RBFOX3: variants seen among roughly 807,000 people sequenced by gnomAD.
RBFOX3 encodes RNA binding fox-1 homolog 3, also known as RNA binding protein fox-1 homolog 3.
RBFOX3 carries 17 observed loss-of-function variants against 48.7 expected under a neutral mutation model. The observed-to-expected ratio is 0.35, with a 90% CI of 0.24 to 0.52. The LOEUF (loss-of-function observed/expected upper bound fraction) is 0.52, where lower values mean the gene tolerates loss of function less well. Among genes scored for constraint, RBFOX3 ranks in the 20% least tolerant of loss-of-function variants. The pLI is 0.94. For missense variants in RBFOX3, 382 were observed against 497.5 expected (o/e 0.77, Z 2.21); for synonymous variants, 212 against 209.5 (o/e 1.01, Z -0.10).
At chr17:79,309,968 T>C (rs1371843249) in intron 2 of RBFOX3, among the ~76,000 whole-genome samples, 1 of 152,188 alleles carries the variant, frequency 6.6e-6, no homozygotes, top group African/African-American at 2.4e-5. Flanking sequence ...AGTCATAAAG[T>C]AGTGCCATCA....
At chr17:79,635,809 CAT>C in the RBFOX3 span, among the ~76,000 whole-genome samples, 6 of 152,096 alleles carry the variant, frequency 3.9e-5, no homozygotes, top group Admixed American at 6.6e-5. Context: ...GGTCATTAAA[CAT>C]AGGAAAAGAG....
At chr17:79,114,506 C>T (rs1429221217) in intron 5 of RBFOX3, among the ~76,000 whole-genome samples, 1 of 152,228 alleles carries the variant, frequency 6.6e-6, no homozygotes, top group Non-Finnish European at 1.5e-5. Flanking sequence ...CTGGAGGAAG[C>T]CCCTGCCCAC....
Position 79,367,922 on chromosome 17 carries a change from C to T in RBFOX3, c.-174-60098G>A, listed in dbSNP as rs188355683. 4.6e-5 allele frequency among the ~76,000 whole-genome samples: 7 copies of T among 152,268 alleles called. No individual in the cohort carries two copies. In the South Asian group the frequency reaches 6.2e-4, roughly 14 times the overall value. ...CCTGCCTCCGAATGTCTGGGACATCCCGGCATGACTCTGTGTGCATTCAGG... is the reference window on the plus strand; with the variant it reads ...CCTGCCTCCGAATGTCTGGGACATCTCGGCATGACTCTGTGTGCATTCAGG... On this transcript the variant is annotated intron_variant, in intron 2 of 14. Coordinates refer to ENST00000693108, the MANE Select transcript of RBFOX3 (RefSeq NM_001350451.2).
At chr17:79,630,954 C>T in the RBFOX3 span, among the ~76,000 whole-genome samples, 1,041 of 152,264 alleles carry the variant, frequency 6.8e-3, 5 homozygotes, top group Non-Finnish European at 0.011. Context: ...CCCCGCCCCA[C>T]GAGGTGGAGG....
At chr17:79,109,027 C>T (rs2077988463) in intron 5 of RBFOX3, among the ~76,000 whole-genome samples, 1 of 152,404 alleles carries the variant, frequency 6.6e-6, no homozygotes, top group Non-Finnish European at 1.5e-5. Flanking sequence ...TGGGCATGCG[C>T]TGCAGGACCT....
At chr17:79,312,639 A>C (rs1305540204) in intron 2 of RBFOX3, among the ~76,000 whole-genome samples, 1 of 152,102 alleles carries the variant, frequency 6.6e-6, no homozygotes, top group Non-Finnish European at 1.5e-5. Context: ...ACTGCTGTAC[A>C]CCCACCTGTT....
intron 2 of RBFOX3, among the ~76,000 whole-genome samples, chr17:79,425,900 G>A (rs550719428): frequency 6.6e-6 from 1 of 152,318 alleles, no homozygotes; most frequent in Non-Finnish European, 1.5e-5. Context: ...TGCAAAGAGG[G>A]GCGGGCACCA....
At chr17:79,118,784 A>G (rs2034828274) in intron 4 of RBFOX3, among the ~76,000 whole-genome samples, 1 of 148,930 alleles carries the variant, frequency 6.7e-6, no homozygotes, top group African/African-American at 2.5e-5. Flanking sequence ...ACCATCCTGG[A>G]CAACACAGTG....
rs1568218047 is a variant in RBFOX3, at chr17:79,420,176, A to ACACACAC, written c.-175+62277_-175+62278insGTGTGTG. 3.7e-3 allele frequency among the ~76,000 whole-genome samples: 140 copies of ACACACAC among 37,592 alleles called. 1 individual carries two copies. Among genetic ancestry groups the ACACACAC allele is most frequent in the Non-Finnish European group, 5.3e-3 (89 of 16,660 alleles). 24.7% of individuals were successfully genotyped at this position (37,592 alleles called of 152,430 possible). ...ACACACACACACACACACACACACA[A>ACACACAC]AAGATGGTTAACAGGTGTGCCTCCT... On this transcript the variant is annotated intron_variant, in intron 2 of 14. Coordinates refer to ENST00000693108, the MANE Select transcript of RBFOX3 (RefSeq NM_001350451.2).
At chr17:79,616,397 G>A in the RBFOX3 span, among the ~76,000 whole-genome samples, 6 of 151,938 alleles carry the variant, frequency 3.9e-5, no homozygotes, top group Admixed American at 1.3e-4. Flanking sequence ...TTAGCCGGGC[G>A]AAGTGGAGGG....
the RBFOX3 span, among the ~76,000 whole-genome samples, chr17:79,618,955 T>C: frequency 6.6e-6 from 1 of 151,988 alleles, no homozygotes; most frequent in South Asian, 2.1e-4. Flanking sequence ...CCAGTCGGGG[T>C]TTCTGCTCCC....
At chr17:79,303,596 C>G (rs1298764211) in intron 3 of RBFOX3, among the ~76,000 whole-genome samples, 2 of 152,106 alleles carry the variant, frequency 1.3e-5, no homozygotes, top group African/African-American at 4.8e-5. Flanking sequence ...GGGCTAGGGG[C>G]ACTGACCTGC....
intron 1 of RBFOX3, chr17:79,598,290 G>GCA: frequency 6.6e-6 from 1 of 152,600 alleles, no homozygotes; most frequent in African/African-American, 2.4e-5. Context: ...AGATGACCGT[G>GCA]CACATGCACA....
intron 2 of RBFOX3, among the ~76,000 whole-genome samples, chr17:79,334,379 G>A (rs8081466): frequency 0.8 from 122,280 of 152,112 alleles, 49,642 homozygotes; most frequent in Non-Finnish European, 0.87. Flanking sequence ...CTCATGCTCC[G>A]TAGGTTACAG....
chr17:79,606,917 A>C (rs1349609752), intron 1 of RBFOX3, among the ~76,000 whole-genome samples: 1 of 152,210 alleles, frequency 6.6e-6, no homozygotes, highest in Non-Finnish European at 1.5e-5. Context: ...AGATAGACGG[A>C]CAGGGAGACA....
At chr17:79,320,203 C>T (rs1410045564) in intron 2 of RBFOX3, among the ~76,000 whole-genome samples, 1 of 152,194 alleles carries the variant, frequency 6.6e-6, no homozygotes. Flanking sequence ...CTGACCACTG[C>T]TGGTGTGTCT....
intron 4 of RBFOX3, among the ~76,000 whole-genome samples, chr17:79,138,812 CGTTCACA>C (rs1265584152): frequency 2.2e-4 from 26 of 119,960 alleles, no homozygotes; most frequent in African/African-American, 2.6e-4. Flanking sequence ...CACACACATG[CGTTCACA>C]CCCCCTCACC....
At chr17:79,644,451 CAT>C in the RBFOX3 span, among the ~76,000 whole-genome samples, 4 of 152,078 alleles carry the variant, frequency 2.6e-5, no homozygotes, top group Non-Finnish European at 5.9e-5. Flanking sequence ...TTAGCAGTAA[CAT>C]TGTTGAATTT....
At chr17:79,433,203 G>T (rs893929034) in intron 2 of RBFOX3, among the ~76,000 whole-genome samples, 1 of 152,164 alleles carries the variant, frequency 6.6e-6, no homozygotes, top group African/African-American at 2.4e-5. Flanking sequence ...CACCCCACTC[G>T]CATCCTCTGT....
Sources: gnomAD v4.1 joint callset for allele counts (sites outside exome capture counted in the v4.1 genomes callset) on GRCh38, gnomAD v4.1.1 for gene constraint, MANE v1.5 for transcripts, NCBI Gene and HGNC (gene_info 2026-07-23, HGNC 2026-07-21) for gene names.